NPHP1: variants seen among roughly 807,000 people sequenced by gnomAD.
The protein encoded by NPHP1 is nephrocystin-1.
NPHP1 carries 70 observed loss-of-function variants against 90.4 expected under a neutral mutation model. That is an observed-to-expected ratio of 0.77 (90% confidence interval 0.64 to 0.95). The LOEUF (loss-of-function observed/expected upper bound fraction) is 0.95. NPHP1 is among the 40% of genes least tolerant of loss of function. The pLI is 0.00. For synonymous variants in NPHP1, 256 were observed against 271.7 expected (o/e 0.94, Z 0.57); for missense variants, 764 against 795.9 (o/e 0.96, Z 0.48).
chr2:110,195,207 G>A (rs1291075859), intron 2 of NPHP1, among the ~76,000 whole-genome samples: 1 of 152,084 alleles, frequency 6.6e-6, no homozygotes, highest in East Asian at 1.9e-4. Context: ...AGGAAAAGAG[G>A]AAGTCAAATT....
chr2:110,131,724 G>A lies in NPHP1; in HGVS notation c.1597C>T (p.Leu533Phe). 2 of 1,613,428 alleles carry A rather than the reference G, an allele frequency of 1.2e-6. No individual in the cohort carries two copies. The change falls in exon 17 of 20, where the codon CTT becomes TTT. Residue 533 changes from leucine to phenylalanine, a missense_variant. Physicochemically the swap from Leu to Phe is conservative, Grantham distance 22. Coordinates refer to ENST00000445609, the MANE Select transcript of NPHP1 (RefSeq NM_001128178.3). The part of the protein sequence containing the change: ...IHLLIFYRQI[L>F]GDVLLKDRMS... ...CTGTCTTTCAGGAGCACATCTCCAA[G>A]AATTTGTCGATAAAATATCAACAAG...
rs1682357731 is a variant in NPHP1, at chr2:110,161,712, T to G, written c.860-15A>C. The G allele has an allele frequency of 6.5e-7, 1 of 1,539,284 alleles. No homozygotes were observed. Among genetic ancestry groups the G allele is most frequent in the Non-Finnish European group, 9.0e-7 (1 of 1,113,078 alleles). On this transcript the variant is annotated splice_polypyrimidine_tract_variant and intron_variant, in intron 9 of 19. Coordinates refer to ENST00000445609, the MANE Select transcript of NPHP1 (RefSeq NM_001128178.3). ...AAATTGATTCCCTGAAAAAATCATT[T>G]TTTCTTCATTTTCTTACAAAGAAAG...
chr2:110,180,112 A>G (rs1683783726), intron 2 of NPHP1, among the ~76,000 whole-genome samples: 1 of 152,048 alleles, frequency 6.6e-6, no homozygotes, highest in African/African-American at 2.4e-5. Context: ...CCCTCACTCC[A>G]CTTAAAGAAA....
chr2:110,177,744 A>AT (rs60724853), intron 4 of NPHP1, among the ~76,000 whole-genome samples: 20,502 of 145,636 alleles, frequency 0.14, 2,854 homozygotes, highest in African/African-American at 0.37. Flanking sequence ...CCCTACTTCA[A>AT]TTTTTTTTTT....
At chr2:110,135,069 A>G (rs1294889983) in intron 16 of NPHP1, among the ~76,000 whole-genome samples, 2 of 152,172 alleles carry the variant, frequency 1.3e-5, no homozygotes, top group Non-Finnish European at 2.9e-5. Context: ...CATGAAAAAT[A>G]CCTTCAGAAT....
chr2:110,143,953 G>C (rs1480712096), intron 15 of NPHP1: 1 of 370,718 alleles, frequency 2.7e-6, no homozygotes, highest in Non-Finnish European at 5.1e-6. Flanking sequence ...TGGCGTTGTG[G>C]GGTCAGCAGA....
At chr2:110,161,894 A>G (rs1042005788) in intron 9 of NPHP1, among the ~76,000 whole-genome samples, 197 bp from the exon 10 acceptor site, 2 of 152,174 alleles carry the variant, frequency 1.3e-5, no homozygotes, top group East Asian at 3.8e-4. Context: ...AGATACAAAC[A>G]CATAAAAGAT....
intron 4 of NPHP1, among the ~76,000 whole-genome samples, chr2:110,174,673 G>T (rs905934531): frequency 6.6e-6 from 1 of 152,024 alleles, no homozygotes; most frequent in East Asian, 1.9e-4. Flanking sequence ...CATACACAAA[G>T]CAGCAAAAAA....
chr2:110,200,660 ACT>A (rs967047015), intron 2 of NPHP1, among the ~76,000 whole-genome samples: 1 of 152,104 alleles, frequency 6.6e-6, no homozygotes, highest in East Asian at 1.9e-4. Context: ...TATAAATCTT[ACT>A]CTGTTTTTAA....
chr2:110,179,385 A>G (rs1683727113), intron 3 of NPHP1, among the ~76,000 whole-genome samples: 1 of 152,150 alleles, frequency 6.6e-6, no homozygotes, highest in African/African-American at 2.4e-5. Context: ...GATTGTCTGA[A>G]TCCTTAATAG....
intron 2 of NPHP1, chr2:110,184,780 G>C: frequency 1.4e-6 from 1 of 709,954 alleles, no homozygotes; most frequent in East Asian, 3.0e-5. Flanking sequence ...AGACACTAGA[G>C]ACAGAGAAGG....
intron 16 of NPHP1, among the ~76,000 whole-genome samples, chr2:110,134,530 G>GA (rs554024174): frequency 0.025 from 2,560 of 101,332 alleles, 60 homozygotes; most frequent in African/African-American, 0.071. Flanking sequence ...AATACTACAA[G>GA]AAAAAAAAAA....
chr2:110,127,289 CTGGATACATACCA>C (rs1679437769), intron 18 of NPHP1: 1 of 152,188 alleles, frequency 6.6e-6, no homozygotes, highest in South Asian at 2.1e-4. Flanking sequence ...CTGATCCATG[CTGGATACATACCA>C]TGGGTAAGAA....
intron 4 of NPHP1, among the ~76,000 whole-genome samples, chr2:110,173,006 T>C (rs371098756): frequency 6.7e-6 from 1 of 149,050 alleles, no homozygotes; most frequent in African/African-American, 2.5e-5. Context: ...GTCACCAGGC[T>C]GGAGTGCAGT....
In NPHP1 at chr2:110,168,459, T is replaced by C; in HGVS notation, c.617A>G (p.Tyr206Cys). 1 of 1,606,532 alleles carries C rather than the reference T, an allele frequency of 6.2e-7. No individual in the cohort carries two copies. The stretch of plus-strand genomic sequence containing the variant: ...GCATAAACCAAGACTAACCTCTAGG[T>C]AGGTTCTGGGAACAAGACCTTCATT... Reference protein sequence around the residue: ...KGNEGLVPRTYLEPYSEEEEG... With the variant: ...KGNEGLVPRTCLEPYSEEEEG... The change falls in exon 6 of 20, where the codon TAC (tyrosine) becomes TGC (cysteine). Residue 206 changes from tyrosine to cysteine, a missense_variant. Coordinates refer to ENST00000445609, the MANE Select transcript of NPHP1 (RefSeq NM_001128178.3).
At chr2:110,203,897 T>C (rs985417439) in intron 1 of NPHP1, among the ~76,000 whole-genome samples, 1 of 151,880 alleles carries the variant, frequency 6.6e-6, no homozygotes, top group Non-Finnish European at 1.5e-5. Context: ...GCCTCCCAAG[T>C]AGCTGGTACT....
At chr2:110,149,582 AG>A (rs946807426) in intron 12 of NPHP1, among the ~76,000 whole-genome samples, 2 of 152,184 alleles carry the variant, frequency 1.3e-5, no homozygotes, top group African/African-American at 2.4e-5. Flanking sequence ...ATAAGAGGAA[AG>A]GTAACTAAGG....
chr2:110,201,554 C>CTTCTTTTT, intron 1 of NPHP1, 60 bp from the exon 2 acceptor site: 1 of 1,207,614 alleles, frequency 8.3e-7, no homozygotes, highest in East Asian at 2.4e-5. Context: ...GGAAAGAAAA[C>CTTCTTTTT]TTCTTTTTTT....
chr2:110,201,579 A>G, intron 1 of NPHP1, 85 bp from the exon 2 acceptor site: 1 of 945,652 alleles, frequency 1.1e-6, no homozygotes. Context: ...AATATTTTAT[A>G]ATGAACACTT....
Sources: allele counts gnomAD v4.1 joint callset (sites outside exome capture counted in the v4.1 genomes callset), GRCh38; gene constraint gnomAD v4.1.1; transcripts MANE v1.5; gene names NCBI Gene and HGNC (gene_info 2026-07-23, HGNC 2026-07-21).